Variants in WNT7B observed in about 807,000 individuals in gnomAD.
WNT7B encodes protein Wnt-7b.
WNT7B carries 19 observed loss-of-function variants against 38.2 expected under a neutral mutation model. The ratio of observed to expected loss-of-function variants is 0.50; its 90% CI spans 0.35 to 0.73. WNT7B has a LOEUF of 0.73. Among genes scored for constraint, WNT7B ranks in the 30% least tolerant of loss-of-function variants. The pLI is 0.01. For missense variants in WNT7B, 423 were observed against 507.9 expected, an observed-to-expected ratio of 0.83 and a Z score of 1.61; for synonymous variants, 243 against 209.3, an observed-to-expected ratio of 1.16 and a Z score of -1.39.
At position 45,975,625 on chromosome 22, in the gene WNT7B, G is replaced by C; in HGVS notation, c.71+1059C>G. On this transcript the variant is annotated intron_variant, in intron 1 of 3. Transcript: ENST00000339464. This position sits in a 1 kb window ranked among gnomAD's most constrained non-coding sequence, Gnocchi z 6.6. ...CGCCTGCTTCCACCTCTCCGCCTGGGAAGCCGCGTCTCCCACCAGTGGTAC... is the reference window on the plus strand; with the variant it reads ...CGCCTGCTTCCACCTCTCCGCCTGGCAAGCCGCGTCTCCCACCAGTGGTAC... 1 of 714,676 alleles carries C rather than the reference G, an allele frequency of 1.4e-6. No homozygotes were observed. The highest frequency in any genetic ancestry group is 1.5e-5 in the South Asian group (1 of 67,294). 44.3% of individuals were successfully genotyped at this position (714,676 alleles called of 1,614,324 possible). A position where few individuals can be genotyped will look rare whatever the true frequency, so the allele number is the denominator to read the frequency against.
chr22:45,972,082 C>A lies in WNT7B; in HGVS notation c.71+4602G>T. On this transcript the variant is annotated intron_variant, in intron 1 of 3. Coordinates refer to ENST00000339464, the MANE Select transcript of WNT7B (RefSeq NM_058238.3). ...AGGGGCCTCGCTGCCGCGTTCCCTG[C>A]CCGCCCGGTTCCAGCGCTGGAGGCC... 4 of 550,992 alleles carry A rather than the reference C, an allele frequency of 7.3e-6. No homozygotes were observed. In the East Asian group the frequency reaches 1.1e-4, roughly 15 times the overall value. 34.1% of individuals were successfully genotyped at this position (550,992 alleles called of 1,614,324 possible). A position where few individuals can be genotyped will look rare whatever the true frequency, so the allele number is the denominator to read the frequency against.
Position 45,957,104 on chromosome 22 carries a change from C to CAAAAAAAAA in WNT7B, c.72-6967_72-6959dup, listed in dbSNP as rs34329899. Among the ~76,000 whole-genome samples, 50 of 80,684 alleles carry CAAAAAAAAA rather than the reference C, an allele frequency of 6.2e-4. 1 individual carries two copies. The highest frequency in any genetic ancestry group is 2.0e-3 in the African/African-American group (45 of 22,970). The allele number at this position is 80,684 out of a possible 152,430, so 52.9% of individuals were successfully genotyped here. A position where few individuals can be genotyped will look rare whatever the true frequency, so the allele number is the denominator to read the frequency against. On this transcript the variant is annotated intron_variant, in intron 1 of 3. Transcript: ENST00000339464. ...CTGGTGACAGAGCGAGACTCTGTCT[C>CAAAAAAAAA]AAAAAAAAAAAAAAAAAAAAATCCC...
chr22:45,930,003 T>C (rs1335288926), intron 3 of WNT7B, among the ~76,000 whole-genome samples: 1 of 151,080 alleles, frequency 6.6e-6, no homozygotes, highest in East Asian at 1.9e-4. Context: ...ACCACCTGCA[T>C]GATAACCTCC....
intron 3 of WNT7B, chr22:45,926,460 G>A: frequency 2.0e-6 from 2 of 985,432 alleles, no homozygotes; most frequent in African/African-American, 1.7e-5. Flanking sequence ...GAATAAGGGT[G>A]TAGCCTGTGC....
intron 2 of WNT7B, among the ~76,000 whole-genome samples, chr22:45,938,367 T>C (rs914197236): frequency 2.0e-5 from 3 of 152,152 alleles, no homozygotes; most frequent in Non-Finnish European, 4.4e-5. Flanking sequence ...CTGGGTGCTG[T>C]GGCTCACACC....
intron 3 of WNT7B, chr22:45,925,983 T>C (rs1426865592): frequency 1.1e-6 from 1 of 947,550 alleles, no homozygotes; most frequent in South Asian, 4.7e-5. Flanking sequence ...CTCCCTCCCC[T>C]GTCCCTGTCT....
chr22:45,939,170 G>C (rs974770249), intron 2 of WNT7B, among the ~76,000 whole-genome samples: 2 of 152,146 alleles, frequency 1.3e-5, no homozygotes, highest in Non-Finnish European at 2.9e-5. Flanking sequence ...TGAGATGCTG[G>C]TGGCAGTGTG....
Position 45,975,182 on chromosome 22 carries a change from G to A in WNT7B, c.71+1502C>T, listed in dbSNP as rs1281771613. Among the ~76,000 whole-genome samples the A allele has an allele frequency of 6.6e-6, 1 of 152,130 alleles. No individual in the cohort carries two copies. Among genetic ancestry groups the A allele is most frequent in the Non-Finnish European group, 1.5e-5 (1 of 68,018 alleles). On this transcript the variant is annotated intron_variant, in intron 1 of 3. Coordinates refer to ENST00000339464, the MANE Select transcript of WNT7B (RefSeq NM_058238.3). This position sits in a 1 kb window ranked among gnomAD's most constrained non-coding sequence, Gnocchi z 6.6. ...GAGTAAAAGCACCTAACTACTCTAG[G>A]GGTGCCAGGAGGGGGAAGGCCTCAG...
At chr22:45,927,548 G>C (rs989607373) in intron 3 of WNT7B, 94 of 1,439,556 alleles carry the variant, frequency 6.5e-5, no homozygotes, top group Non-Finnish European at 8.4e-5. Flanking sequence ...ACGGAGAGGA[G>C]GTCACCCTGG....
In WNT7B at chr22:45,976,991, C is replaced by T; in HGVS notation, c.-237G>A. 2 of 986,586 alleles carry T rather than the reference C, an allele frequency of 2.0e-6. No individual in the cohort carries two copies. The highest frequency in any genetic ancestry group is 2.4e-6 in the Non-Finnish European group (2 of 831,172). 61.1% of individuals were successfully genotyped at this position (986,586 alleles called of 1,614,324 possible). On this transcript the variant is annotated 5_prime_UTR_variant, in exon 1 of 4. Coordinates refer to ENST00000339464, the MANE Select transcript of WNT7B (RefSeq NM_058238.3). The surrounding 1 kb of genome is among the most constrained non-coding windows in gnomAD (Gnocchi z 8.5). ...ATTGACCCAGGCTGGGGGCCGCGAC[C>T]TCGAAGCCCGGTTGAGCGACCGTGG...
At chr22:45,971,607 C>A (rs925755401) in intron 1 of WNT7B, among the ~76,000 whole-genome samples, 13 of 152,356 alleles carry the variant, frequency 8.5e-5, no homozygotes, top group African/African-American at 3.1e-4. Context: ...GGGCAGGGAT[C>A]AGGCTACCCA....
At chr22:45,974,555 G>A (rs573231660) in intron 1 of WNT7B, among the ~76,000 whole-genome samples, 6 of 152,258 alleles carry the variant, frequency 3.9e-5, no homozygotes, top group African/African-American at 4.8e-5. Context: ...CAGGGTGTTC[G>A]GAGGTCACAT....
At chr22:45,969,070 G>C (rs1481473032) in intron 1 of WNT7B, among the ~76,000 whole-genome samples, 1 of 152,228 alleles carries the variant, frequency 6.6e-6, no homozygotes. Context: ...GGTGCCATGG[G>C]AGTAGGCCTG....
intron 3 of WNT7B, among the ~76,000 whole-genome samples, chr22:45,927,920 C>T (rs186311162): frequency 1.6e-3 from 242 of 152,292 alleles, no homozygotes; most frequent in African/African-American, 5.3e-3. Context: ...GAAGAGAAGA[C>T]GACTCAGGCT....
chr22:45,930,617 G>GC (rs1188867180), intron 3 of WNT7B, among the ~76,000 whole-genome samples: 1 of 152,178 alleles, frequency 6.6e-6, no homozygotes, highest in Non-Finnish European at 1.5e-5. Flanking sequence ...CTCCCCAGCA[G>GC]CCCCCGGCTC....
In WNT7B at chr22:45,948,853, T is replaced by C. The variant is rs1310091645; in HGVS notation, c.298+1067A>G. 5.1e-5 allele frequency among the ~76,000 whole-genome samples: 7 copies of C among 137,978 alleles called. 1 individual carries two copies. Among genetic ancestry groups the C allele is most frequent in the Non-Finnish European group, 1.1e-4 (7 of 66,470 alleles). The allele number at this position is 137,978 out of a possible 152,430, so 90.5% of individuals were successfully genotyped here. On this transcript the variant is annotated intron_variant, in intron 2 of 3. Transcript: ENST00000339464. ...TTTTTTTTTTTTTTTTTTTTTTTTT[T>C]TTTTCCCCTGAGACAGAGTCTTGCT...
In WNT7B at chr22:45,965,094, G is replaced by T; in HGVS notation, c.71+11590C>A. On this transcript the variant is annotated intron_variant, in intron 1 of 3. Coordinates refer to ENST00000339464, the MANE Select transcript of WNT7B (RefSeq NM_058238.3). The surrounding 1 kb of genome is among the most constrained non-coding windows in gnomAD (Gnocchi z 6.5). Reference sequence around the variant, plus strand: ...CCCCGCCCCCACCTCACCTTCCCCTGCTCCAGCCCTACTCAAACCTGCTGC... The same window carrying T: ...CCCCGCCCCCACCTCACCTTCCCCTTCTCCAGCCCTACTCAAACCTGCTGC... Among the ~76,000 whole-genome samples, 1 of 149,002 alleles carries T rather than the reference G, an allele frequency of 6.7e-6. No homozygotes were observed.
intron 2 of WNT7B, among the ~76,000 whole-genome samples, chr22:45,943,800 C>T (rs1260516650): frequency 2.0e-5 from 3 of 152,206 alleles, no homozygotes; most frequent in African/African-American, 4.8e-5. Context: ...GGGCTACCGA[C>T]ATGAAAGAAA....
intron 1 of WNT7B, among the ~76,000 whole-genome samples, chr22:45,953,254 TC>T (rs1166675169): frequency 9.8e-6 from 1 of 102,066 alleles, no homozygotes; most frequent in Non-Finnish European, 2.1e-5. Flanking sequence ...CACCGTGTCC[TC>T]GGCTTCCCCT....
Sources: allele counts gnomAD v4.1 joint callset (sites outside exome capture counted in the v4.1 genomes callset), GRCh38; gene constraint gnomAD v4.1.1; non-coding constraint Gnocchi (gnomAD v3.1); transcripts MANE v1.5; gene names NCBI Gene and HGNC (gene_info 2026-07-23, HGNC 2026-07-21).